NFATC2: variants seen among roughly 807,000 people sequenced by gnomAD.
NFATC2 encodes nuclear factor of activated T-cells, cytoplasmic 2.
A neutral mutation model predicts 87.3 loss-of-function variants in NFATC2; 22 were observed. The observed-to-expected ratio is 0.25, with a 90% CI of 0.18 to 0.36. NFATC2 has a LOEUF of 0.36. NFATC2 is among the 10% of genes least tolerant of loss of function. NFATC2 has a pLI of 1.00. For missense variants in NFATC2, 1,149 were observed against 1,259.1 expected, an observed-to-expected ratio of 0.91 and a Z score of 1.32; for synonymous variants, 565 against 542.2, an observed-to-expected ratio of 1.04 and a Z score of -0.58.
At chr20:51,513,033 A>T (rs2076296336) in intron 3 of NFATC2, among the ~76,000 whole-genome samples, 1 of 151,980 alleles carries the variant, frequency 6.6e-6, no homozygotes, top group South Asian at 2.1e-4. Context: ...TTTTTTTTTT[A>T]AACTGACTTC....
chr20:51,401,102 G>A (rs915225388), intron 9 of NFATC2, among the ~76,000 whole-genome samples: 1 of 152,190 alleles, frequency 6.6e-6, no homozygotes, highest in African/African-American at 2.4e-5. Context: ...AGGCACAGTG[G>A]CTCATGCCTG....
At chr20:51,526,756 A>G (rs1220965446) in intron 1 of NFATC2, among the ~76,000 whole-genome samples, 4 of 151,982 alleles carry the variant, frequency 2.6e-5, no homozygotes, top group South Asian at 2.1e-4. Flanking sequence ...TGGTACCCCT[A>G]CTTCCAAAAT....
chr20:51,518,982 T>A (rs1219576374), intron 2 of NFATC2, among the ~76,000 whole-genome samples: 1 of 152,034 alleles, frequency 6.6e-6, no homozygotes, highest in Non-Finnish European at 1.5e-5. Flanking sequence ...AAACATTTTG[T>A]GGCGGGGCCA....
chr20:51,472,209 C>T (rs546748564), intron 5 of NFATC2, among the ~76,000 whole-genome samples: 39 of 152,216 alleles, frequency 2.6e-4, no homozygotes, highest in Middle Eastern at 3.4e-3. Context: ...GAGCCAAGAT[C>T]GCACCACGGC....
chr20:51,476,524 C>G (rs1333914554), intron 3 of NFATC2, among the ~76,000 whole-genome samples: 1 of 152,000 alleles, frequency 6.6e-6, no homozygotes, highest in African/African-American at 2.4e-5. Flanking sequence ...AATGGCTTTC[C>G]CTATCTCTCT....
At chr20:51,553,414 G>A (rs528892737) in intron 1 of NFATC2, among the ~76,000 whole-genome samples, 2 of 151,858 alleles carry the variant, frequency 1.3e-5, no homozygotes, top group African/African-American at 2.4e-5. Context: ...GGTGGCTCAC[G>A]CCTGTAATCC....
chr20:51,493,697 G>T (rs1464448417), intron 3 of NFATC2, among the ~76,000 whole-genome samples: 5 of 152,174 alleles, frequency 3.3e-5, no homozygotes, highest in African/African-American at 7.2e-5. Context: ...GGCGGGGCAT[G>T]CTGAGAGACA....
At chr20:51,512,634 T>C (rs781718688) in intron 3 of NFATC2, among the ~76,000 whole-genome samples, 1 of 152,238 alleles carries the variant, frequency 6.6e-6, no homozygotes, top group African/African-American at 2.4e-5. Context: ...GTTTAAGATT[T>C]TTAATTGTAC....
At chr20:51,425,089 G>T (rs1307403863) in intron 9 of NFATC2, among the ~76,000 whole-genome samples, 1 of 151,980 alleles carries the variant, frequency 6.6e-6, no homozygotes, top group African/African-American at 2.4e-5. Context: ...GGGGGTGGGG[G>T]GTTGGTAATA....
intron 3 of NFATC2, among the ~76,000 whole-genome samples, chr20:51,492,615 G>C (rs1035629840): frequency 6.6e-6 from 1 of 152,190 alleles, no homozygotes; most frequent in Non-Finnish European, 1.5e-5. Flanking sequence ...CCCTCTGCGC[G>C]GCTTCAAAGG....
chr20:51,508,493 G>A (rs1362923148), intron 3 of NFATC2, among the ~76,000 whole-genome samples: 1 of 152,090 alleles, frequency 6.6e-6, no homozygotes, highest in East Asian at 1.9e-4. Flanking sequence ...GAAATCACCA[G>A]TCTCATCAAA....
chr20:51,495,839 A>C (rs1280573143), intron 3 of NFATC2, among the ~76,000 whole-genome samples: 1 of 152,034 alleles, frequency 6.6e-6, no homozygotes, highest in Non-Finnish European at 1.5e-5. Flanking sequence ...CACCTCAATC[A>C]TCCCTCCTCT....
At chr20:51,408,069 G>C (rs527831085) in intron 9 of NFATC2, among the ~76,000 whole-genome samples, 2 of 152,326 alleles carry the variant, frequency 1.3e-5, no homozygotes, top group East Asian at 3.9e-4. Context: ...GGGAGGGAGA[G>C]GTGGACCACA....
chr20:51,520,560 C>A (rs4811188), intron 2 of NFATC2, among the ~76,000 whole-genome samples: 1 of 151,174 alleles, frequency 6.6e-6, no homozygotes, highest in African/African-American at 2.4e-5. Flanking sequence ...GAAAAGTGAA[C>A]GAAGGGTAAA....
At chr20:51,548,125 C>T (rs2076904399) in intron 1 of NFATC2, among the ~76,000 whole-genome samples, 1 of 152,178 alleles carries the variant, frequency 6.6e-6, no homozygotes, top group South Asian at 2.1e-4. Context: ...GCCATTCTCC[C>T]CTTCTCTTAC....
chr20:51,552,859 G>T (rs2076945671), intron 1 of NFATC2, among the ~76,000 whole-genome samples: 1 of 151,914 alleles, frequency 6.6e-6, no homozygotes, highest in East Asian at 1.9e-4. Flanking sequence ...GGACGTGCAG[G>T]TTTGTTACAT....
chr20:51,480,314 G>A lies in NFATC2; in HGVS notation c.1333-4654C>T, dbSNP rs544375329. 6.6e-5 allele frequency among the ~76,000 whole-genome samples: 10 copies of A among 152,238 alleles called. No homozygotes were observed. Among genetic ancestry groups the A allele is most frequent in the African/African-American group, 1.4e-4 (6 of 41,556 alleles). On this transcript the variant is annotated intron_variant, in intron 3 of 10. Coordinates refer to ENST00000371564, the MANE Select transcript of NFATC2 (RefSeq NM_012340.5). The surrounding 1 kb of genome is among the most constrained non-coding windows in gnomAD (Gnocchi z 4.2). Reference sequence around the variant, plus strand: ...AAAAAAATAGAATGTGCTTCCTGCCGCACAGGAGAGAGAGTGGGGCAGGAA... The same window carrying A: ...AAAAAAATAGAATGTGCTTCCTGCCACACAGGAGAGAGAGTGGGGCAGGAA...
At chr20:51,428,057 T>G in intron 9 of NFATC2, among the ~76,000 whole-genome samples, 1 of 150,094 alleles carries the variant, frequency 6.7e-6, no homozygotes. Flanking sequence ...GGAAGGAGGG[T>G]CAAGGACAGA....
chr20:51,537,169 A>G (rs2076734118), intron 1 of NFATC2, among the ~76,000 whole-genome samples: 1 of 146,880 alleles, frequency 6.8e-6, no homozygotes, highest in African/African-American at 2.5e-5. Context: ...GGGACACAGA[A>G]GGGTCTGTGA....
Sources: gnomAD v4.1 joint callset for allele counts (sites outside exome capture counted in the v4.1 genomes callset) on GRCh38, gnomAD v4.1.1 for gene constraint, Gnocchi (gnomAD v3.1) non-coding constraint, MANE v1.5 for transcripts, NCBI Gene and HGNC (gene_info 2026-07-23, HGNC 2026-07-21) for gene names.